GAS2: variants seen among roughly 807,000 people sequenced by gnomAD.
GAS2 encodes the protein growth arrest specific 2, also known as growth arrest-specific protein 2.
A neutral mutation model predicts 37.5 loss-of-function variants in GAS2; 20 were observed. The observed-to-expected ratio is 0.53, with a 90% CI of 0.37 to 0.77. GAS2 has a LOEUF of 0.77. Among genes scored for constraint, GAS2 ranks in the 30% least tolerant of loss-of-function variants. GAS2 has a pLI of 0.00. For missense variants in GAS2, 336 were observed against 373.4 expected (o/e 0.90, Z 0.82); for synonymous variants, 144 against 132.2 (o/e 1.09, Z -0.61).
At chr11:22,713,674 C>T (rs1022918116) in intron 3 of GAS2, among the ~76,000 whole-genome samples, 5 of 152,098 alleles carry the variant, frequency 3.3e-5, no homozygotes, top group Admixed American at 2.6e-4. Context: ...AGCAGAAACC[C>T]TGTAAACCAG....
chr11:22,628,127 A>T lies in GAS2; in HGVS notation c.-21+2314A>T, dbSNP rs138816562. On this transcript the variant is annotated intron_variant, in intron 1 of 5. Transcript: ENST00000528582. ...TCTATTTTCATTAAATAAAATGTCT[A>T]TGAAGTTTCCCCCTCTAAAGAAAGA... Among the ~76,000 whole-genome samples, 71 of 152,336 alleles carry T rather than the reference A, an allele frequency of 4.7e-4. 1 individual carries two copies. The highest frequency in any genetic ancestry group is 1.6e-3 in the African/African-American group (68 of 41,578).
chr11:22,683,542 A>T (rs1849798058), intron 2 of GAS2, among the ~76,000 whole-genome samples: 1 of 152,172 alleles, frequency 6.6e-6, no homozygotes, highest in Non-Finnish European at 1.5e-5. Flanking sequence ...CTGGGATTAC[A>T]GTGAGCCACT....
At position 22,812,428 on chromosome 11, in the gene GAS2, CTTT is replaced by C. The variant is rs35549681; in HGVS notation, c.*428_*430del. 1.2e-4 allele frequency: 17 copies of C among 136,928 alleles called. No homozygotes were observed. Among genetic ancestry groups the C allele is most frequent in the East Asian group, 4.2e-4 (2 of 4,728 alleles). The allele number at this position is 136,928 out of a possible 1,614,324, so 8.5% of individuals were successfully genotyped here. On this transcript the variant is annotated 3_prime_UTR_variant, in exon 8 of 8. Transcript: ENST00000454584. ...TTTTTATAATTGCAAGATTTTTATGCTTTTTTTTTTTTTTTTTTACAAAATGAT... is the reference window on the plus strand; with the variant it reads ...TTTTTATAATTGCAAGATTTTTATGCTTTTTTTTTTTTTTTACAAAATGAT...
At chr11:22,739,806 T>A (rs2134237601) in intron 5 of GAS2, among the ~76,000 whole-genome samples, 1 of 152,114 alleles carries the variant, frequency 6.6e-6, no homozygotes, top group Middle Eastern at 3.4e-3. Context: ...TACTTAAATA[T>A]TCTAAATATT....
At chr11:22,753,500 G>A (rs1853857476) in intron 6 of GAS2, among the ~76,000 whole-genome samples, 1 of 152,120 alleles carries the variant, frequency 6.6e-6, no homozygotes, top group African/African-American at 2.4e-5. Context: ...ATACAGACTT[G>A]TGATTGTCAT....
chr11:22,723,413 A>T (rs1177591523), intron 3 of GAS2, among the ~76,000 whole-genome samples: 1 of 151,954 alleles, frequency 6.6e-6, no homozygotes, highest in African/African-American at 2.4e-5. Context: ...TGCTATTTTC[A>T]TTTATACGCT....
At chr11:22,630,205 AC>A (rs1365090172) in intron 1 of GAS2, among the ~76,000 whole-genome samples, 3 of 151,512 alleles carry the variant, frequency 2.0e-5, no homozygotes, top group Non-Finnish European at 4.4e-5. Flanking sequence ...CCCTTCCCCC[AC>A]CCCACAACAG....
intron 3 of GAS2, among the ~76,000 whole-genome samples, chr11:22,697,317 A>G (rs1296845473): frequency 1.3e-5 from 2 of 152,080 alleles, no homozygotes; most frequent in Non-Finnish European, 2.9e-5. Context: ...CTGTTTTGGT[A>G]CCAGTACCAT....
At chr11:22,735,779 T>C (rs900570730) in intron 4 of GAS2, among the ~76,000 whole-genome samples, 1 of 151,880 alleles carries the variant, frequency 6.6e-6, no homozygotes, top group African/African-American at 2.4e-5. Flanking sequence ...TAGCTGCACA[T>C]TGACACAATT....
chr11:22,647,706 C>T (rs1339859222), intron 1 of GAS2, among the ~76,000 whole-genome samples: 2 of 152,276 alleles, frequency 1.3e-5, no homozygotes, highest in East Asian at 3.9e-4. Flanking sequence ...TGTTTCTTGG[C>T]TGCATAAATG....
At chr11:22,771,992 T>G (rs1855002939) in intron 7 of GAS2, among the ~76,000 whole-genome samples, 1 of 152,150 alleles carries the variant, frequency 6.6e-6, no homozygotes, top group African/African-American at 2.4e-5. Flanking sequence ...ATTATCCCCA[T>G]TAATAATTGA....
chr11:22,732,445 G>T (rs149741637), intron 4 of GAS2, among the ~76,000 whole-genome samples: 1 of 151,762 alleles, frequency 6.6e-6, no homozygotes, highest in Admixed American at 6.6e-5. Flanking sequence ...ATTCTTACTG[G>T]TGATTCTGAG....
intron 3 of GAS2, among the ~76,000 whole-genome samples, chr11:22,712,952 C>T (rs1444182209): frequency 2.0e-5 from 3 of 151,548 alleles, no homozygotes; most frequent in African/African-American, 7.3e-5. Flanking sequence ...GTGGCTCAAA[C>T]CTGTGGTCCC....
chr11:22,645,232 G>A (rs551653642), intron 1 of GAS2, among the ~76,000 whole-genome samples: 29 of 152,096 alleles, frequency 1.9e-4, no homozygotes, highest in African/African-American at 7.0e-4. Flanking sequence ...ATATATGGCC[G>A]GGTGGGGTGG....
At chr11:22,686,092 TTG>T (rs1457035466) in intron 3 of GAS2, among the ~76,000 whole-genome samples, 8 of 152,314 alleles carry the variant, frequency 5.3e-5, no homozygotes, top group Admixed American at 5.2e-4. Flanking sequence ...AGAGAAATAA[TTG>T]TGTCATTAGG....
At chr11:22,709,735 A>G (rs916114256) in intron 3 of GAS2, among the ~76,000 whole-genome samples, 7 of 152,186 alleles carry the variant, frequency 4.6e-5, no homozygotes, top group African/African-American at 1.4e-4. Flanking sequence ...GGCACTATTC[A>G]CAATAGCAAA....
At chr11:22,704,440 A>C (rs1326951453) in intron 3 of GAS2, among the ~76,000 whole-genome samples, 1 of 151,358 alleles carries the variant, frequency 6.6e-6, no homozygotes, top group Admixed American at 6.6e-5. Flanking sequence ...GAAGAGAGTA[A>C]ACCCAGTGTT....
chr11:22,782,789 G>A (rs1188491263), intron 7 of GAS2, among the ~76,000 whole-genome samples: 6 of 125,058 alleles, frequency 4.8e-5, no homozygotes, highest in Non-Finnish European at 6.4e-5. Context: ...TTTTTTGGCC[G>A]TATAGTGTCT....
intron 7 of GAS2, among the ~76,000 whole-genome samples, chr11:22,784,781 T>C (rs924239921): frequency 6.6e-6 from 1 of 152,188 alleles, no homozygotes; most frequent in Non-Finnish European, 1.5e-5. Context: ...CCCTCTTCTA[T>C]TCCTATGTAG....
Sources: gnomAD v4.1 joint callset for allele counts (sites outside exome capture counted in the v4.1 genomes callset) on GRCh38, gnomAD v4.1.1 for gene constraint, MANE v1.5 for transcripts, NCBI Gene and HGNC (gene_info 2026-07-23, HGNC 2026-07-21) for gene names.